Variants in GAB1 observed in about 807,000 individuals in gnomAD.
GAB1 encodes GRB2 associated binding protein 1.
In GAB1, 19 loss-of-function variants were observed where a neutral mutation model predicts 66.5. The observed-to-expected ratio is 0.29, with a 90% CI of 0.20 to 0.42. The LOEUF is 0.42. Ranked by LOEUF, GAB1 falls within the 10% of genes least tolerant of loss-of-function variation. The probability of loss-of-function intolerance (pLI) is 1.00; values close to 1 mark genes in which losing one functional copy is unlikely to be tolerated. For synonymous variants in GAB1, 294 were observed against 301.4 expected (o/e 0.98, Z 0.25); for missense variants, 732 against 858.5 (o/e 0.85, Z 1.84).
chr4:143,438,473 T>C lies in GAB1; in HGVS notation c.1068T>C (p.Pro356=), dbSNP rs1490093559. ...CACATCCAGCTCATGACCGATCTCCTGTGGAAACGTGTAGTATCCCACGCA... is the reference window on the plus strand; with the variant it reads ...CACATCCAGCTCATGACCGATCTCCCGTGGAAACGTGTAGTATCCCACGCA... The part of the protein sequence containing the change: ...PKPHPAHDRS[P]VETCSIPRTA... Residue 356 remains proline (P), a synonymous_variant, in exon 4 of 10, where the codon CCT becomes CCC. Transcript: ENST00000262994. 6.2e-7 allele frequency: 1 copy of C among 1,613,874 alleles called. No individual in the cohort carries two copies.
At chr4:143,390,444 G>A (rs1731133382) in intron 1 of GAB1, among the ~76,000 whole-genome samples, 1 of 150,512 alleles carries the variant, frequency 6.6e-6, no homozygotes, top group Non-Finnish European at 1.5e-5. Flanking sequence ...AAGCACACTA[G>A]TGTAGTGGTT....
intron 2 of GAB1, chr4:143,417,584 T>A (rs1732761082): frequency 1.0e-5 from 2 of 196,868 alleles, no homozygotes; most frequent in South Asian, 1.5e-4. Flanking sequence ...ATTTTTAATA[T>A]TTTTAATAGA....
At chr4:143,463,712 C>G (rs1437500594) in intron 8 of GAB1, among the ~76,000 whole-genome samples, 1 of 151,742 alleles carries the variant, frequency 6.6e-6, no homozygotes. Context: ...TAGAGTTTCT[C>G]TAAACTGTTT....
At chr4:143,366,200 C>G (rs1729875199) in intron 1 of GAB1, among the ~76,000 whole-genome samples, 1 of 152,194 alleles carries the variant, frequency 6.6e-6, no homozygotes, top group South Asian at 2.1e-4. Flanking sequence ...GATTTTTATG[C>G]TGTATTCATT....
At chr4:143,456,266 G>A (rs976157631) in intron 6 of GAB1, among the ~76,000 whole-genome samples, 19 of 152,098 alleles carry the variant, frequency 1.2e-4, no homozygotes, top group Non-Finnish European at 4.4e-5. Context: ...GACCATCCTG[G>A]CTAACACGGT....
intron 1 of GAB1, among the ~76,000 whole-genome samples, chr4:143,367,265 G>A (rs201998615): frequency 0.012 from 1,546 of 126,040 alleles, 17 homozygotes; most frequent in Non-Finnish European, 0.018. Flanking sequence ...TTGATACAGT[G>A]ATCTAATGTT....
intron 1 of GAB1, among the ~76,000 whole-genome samples, chr4:143,343,237 G>C (rs1033237066): frequency 1.3e-5 from 2 of 151,780 alleles, no homozygotes; most frequent in East Asian, 3.8e-4. Flanking sequence ...GGGTGGAAGG[G>C]ACAAATGGGG....
At chr4:143,414,401 C>A (rs756746105) in intron 1 of GAB1, among the ~76,000 whole-genome samples, 1 of 152,124 alleles carries the variant, frequency 6.6e-6, no homozygotes, top group Non-Finnish European at 1.5e-5. Context: ...TTTTAGGCTT[C>A]TCTAGGTATA....
intron 1 of GAB1, among the ~76,000 whole-genome samples, chr4:143,351,643 A>G (rs930790076): frequency 6.6e-6 from 1 of 152,140 alleles, no homozygotes; most frequent in African/African-American, 2.4e-5. Flanking sequence ...TTCCTCTACC[A>G]GGCACTTCCC....
intron 7 of GAB1, among the ~76,000 whole-genome samples, chr4:143,459,762 C>A (rs1361756531): frequency 6.6e-6 from 1 of 151,990 alleles, no homozygotes; most frequent in Non-Finnish European, 1.5e-5. Flanking sequence ...GTATTACTTA[C>A]GTTTTAAAAA....
intron 1 of GAB1, among the ~76,000 whole-genome samples, chr4:143,385,462 G>A (rs1273225055): frequency 6.6e-6 from 1 of 152,166 alleles, no homozygotes; most frequent in Admixed American, 6.5e-5. Context: ...GAGGTTGTTG[G>A]TGCTTTCCTC....
intron 7 of GAB1, among the ~76,000 whole-genome samples, 158 bp from the exon 8 acceptor site, chr4:143,460,206 A>G (rs1045928290): frequency 2.0e-5 from 3 of 152,198 alleles, no homozygotes; most frequent in Admixed American, 2.0e-4. Context: ...ATGTGTTTGT[A>G]CACAAAAATT....
chr4:143,409,043 A>G (rs1412324351), intron 1 of GAB1, among the ~76,000 whole-genome samples: 1 of 152,206 alleles, frequency 6.6e-6, no homozygotes, highest in Non-Finnish European at 1.5e-5. Context: ...TGCAGTCAGC[A>G]GAGTTCTTTT....
intron 1 of GAB1, among the ~76,000 whole-genome samples, chr4:143,365,782 A>T (rs1181679696): frequency 6.6e-6 from 1 of 152,210 alleles, no homozygotes. Flanking sequence ...TTTATGGGAA[A>T]ATGCATTGAG....
At chr4:143,442,081 C>G (rs544995520) in intron 6 of GAB1, among the ~76,000 whole-genome samples, 1 of 152,264 alleles carries the variant, frequency 6.6e-6, no homozygotes, top group Non-Finnish European at 1.5e-5. Context: ...TAGACAACTA[C>G]TAGTCATTTT....
chr4:143,466,696 G>C (rs1408041300), intron 9 of GAB1, among the ~76,000 whole-genome samples: 1 of 151,838 alleles, frequency 6.6e-6, no homozygotes, highest in Admixed American at 6.6e-5. Flanking sequence ...CACCATGTTG[G>C]CCAGAATGGT....
rs76778625 is a variant in GAB1 at position 143,453,075 on chromosome 4, T to C, written c.1586-6310T>C. Among the ~76,000 whole-genome samples, 601 of 152,230 alleles carry C rather than the reference T, an allele frequency of 3.9e-3. 5 individuals carry two copies. The highest frequency in any genetic ancestry group is 0.014 in the African/African-American group (576 of 41,546). ...TTCTCGTTTCTTTCCGCTTAAGTAATATAGGGCTATTCTTTGGGCATGATT... is the reference window on the plus strand; with the variant it reads ...TTCTCGTTTCTTTCCGCTTAAGTAACATAGGGCTATTCTTTGGGCATGATT... On this transcript the variant is annotated intron_variant, in intron 6 of 9. Transcript: ENST00000262994.
At chr4:143,361,851 T>G (rs1177979085) in intron 1 of GAB1, among the ~76,000 whole-genome samples, 3 of 152,196 alleles carry the variant, frequency 2.0e-5, no homozygotes, top group African/African-American at 7.2e-5. Flanking sequence ...GACTGCAGTC[T>G]GATTGCAGGG....
intron 6 of GAB1, among the ~76,000 whole-genome samples, chr4:143,446,010 T>C (rs1361974420): frequency 1.3e-5 from 2 of 152,152 alleles, no homozygotes; most frequent in African/African-American, 4.8e-5. Context: ...GTTCTCATTG[T>C]TCAATTCCCA....
Sources: gnomAD v4.1 joint callset for allele counts (sites outside exome capture counted in the v4.1 genomes callset) on GRCh38, gnomAD v4.1.1 for gene constraint, MANE v1.5 for transcripts, NCBI Gene and HGNC (gene_info 2026-07-23, HGNC 2026-07-21) for gene names.